CEP57L1: variants seen among roughly 807,000 people sequenced by gnomAD.
CEP57L1 encodes the protein centrosomal protein 57 like 1.
Under a neutral mutation model 61.0 loss-of-function variants are expected in CEP57L1, and 37 were observed. That is an observed-to-expected ratio of 0.61 (90% CI 0.47 to 0.80). The LOEUF is 0.80. CEP57L1 is among the 30% of genes least tolerant of loss of function. CEP57L1 has a pLI of 0.00. For synonymous variants in CEP57L1, 137 were observed against 162.3 expected (o/e 0.84, Z 1.19); for missense variants, 422 against 524.7 (o/e 0.80, Z 1.91).
intron 3 of CEP57L1, among the ~76,000 whole-genome samples, chr6:109,147,871 C>T (rs954881790): frequency 6.6e-6 from 1 of 152,154 alleles, no homozygotes; most frequent in Non-Finnish European, 1.5e-5. Context: ...CTGACATCCT[C>T]CTCTTTCAGA....
intron 6 of CEP57L1, 133 bp from the exon 7 acceptor site, chr6:109,155,658 C>T (rs990338115): frequency 4.3e-5 from 26 of 601,338 alleles, no homozygotes; most frequent in East Asian, 6.2e-5. Flanking sequence ...TGTACAAAAA[C>T]GGTATCTTGG....
chr6:109,113,500 C>T (rs867241145), intron 1 of CEP57L1, among the ~76,000 whole-genome samples: 4 of 152,112 alleles, frequency 2.6e-5, no homozygotes, highest in African/African-American at 9.7e-5. Context: ...CATATCTTTA[C>T]TCATCATGAC....
intron 4 of CEP57L1, 31 bp downstream of exon 4, chr6:109,150,270 A>G: frequency 6.3e-7 from 1 of 1,576,872 alleles, no homozygotes; most frequent in Non-Finnish European, 8.7e-7. Context: ...GAATGATAAT[A>G]TAATTTTGTA....
At chr6:109,148,279 C>T (rs1017687171) in intron 3 of CEP57L1, among the ~76,000 whole-genome samples, 4 of 152,022 alleles carry the variant, frequency 2.6e-5, no homozygotes, top group Admixed American at 2.6e-4. Context: ...TCCCCCCACC[C>T]CACAACAGTC....
chr6:109,133,376 A>G (rs527465346), intron 1 of CEP57L1, among the ~76,000 whole-genome samples: 7 of 152,296 alleles, frequency 4.6e-5, no homozygotes, highest in South Asian at 2.1e-4. Context: ...TTGCGCTCCT[A>G]TGAAAATCTA....
intron 9 of CEP57L1, 73 bp downstream of exon 9, chr6:109,159,535 C>T: frequency 7.1e-7 from 1 of 1,417,710 alleles, no homozygotes; most frequent in Non-Finnish European, 9.7e-7. Context: ...TCTTGAACTC[C>T]TGGTTTCAGG....
At chr6:109,160,198 T>A (rs1249994108) in intron 9 of CEP57L1, among the ~76,000 whole-genome samples, 3 of 152,190 alleles carry the variant, frequency 2.0e-5, no homozygotes, top group African/African-American at 7.2e-5. Flanking sequence ...AATCCAGAAA[T>A]TTTTCAGGCA....
At chr6:109,106,312 T>C (rs1475240953) in intron 1 of CEP57L1, among the ~76,000 whole-genome samples, 1 of 152,172 alleles carries the variant, frequency 6.6e-6, no homozygotes, top group Non-Finnish European at 1.5e-5. Flanking sequence ...GAAAATCATA[T>C]TTCCTACAGA....
rs1305419417 is a variant in CEP57L1, at chr6:109,173,922, C to T, written c.*10952C>T. Among the ~76,000 whole-genome samples, 3 of 147,490 alleles carry T rather than the reference C, an allele frequency of 2.0e-5. No individual in the cohort carries two copies. Among genetic ancestry groups the T allele is most frequent in the African/African-American group, 7.7e-5 (3 of 38,892 alleles). On this transcript the variant is annotated 3_prime_UTR_variant, in exon 11 of 11. Transcript: ENST00000517392. ...GAGACCAGCCTCCAACATGGTGAAACCCCGTCTCTACTAAAAAAAAAAAAA... is the reference window on the plus strand; with the variant it reads ...GAGACCAGCCTCCAACATGGTGAAATCCCGTCTCTACTAAAAAAAAAAAAA...
Position 109,163,495 on chromosome 6 carries a change from G to A in CEP57L1, c.*525G>A, listed in dbSNP as rs1453990725. On this transcript the variant is annotated 3_prime_UTR_variant, in exon 11 of 11. Coordinates refer to ENST00000517392, the MANE Select transcript of CEP57L1 (RefSeq NM_001271852.3). The stretch of plus-strand genomic sequence containing the variant: ...TTTTGTGAAGAAGCCTTTAATCCAA[G>A]TTTTATGAGACAGTAGGAACCTATA... The A allele has an allele frequency of 1.3e-5, 2 of 152,318 alleles. No individual in the cohort carries two copies. Among genetic ancestry groups the A allele is most frequent in the Non-Finnish European group, 2.9e-5 (2 of 68,120 alleles). 9.4% of individuals were successfully genotyped at this position (152,318 alleles called of 1,614,324 possible).
intron 1 of CEP57L1, among the ~76,000 whole-genome samples, chr6:109,135,365 AG>A (rs1292006121): frequency 6.6e-6 from 1 of 152,220 alleles, no homozygotes; most frequent in African/African-American, 2.4e-5. Context: ...AGCCATATGT[AG>A]AAAGCTGAAA....
chr6:109,144,911 A>G lies in CEP57L1; in HGVS notation c.-3-308A>G, dbSNP rs143872779. The stretch of plus-strand genomic sequence containing the variant: ...CTGCTTATAGAGAAGTGCTCAGACT[A>G]TGATAGGTATATGGGATTTATGGGT... On this transcript the variant is annotated intron_variant, in intron 1 of 10. Coordinates refer to ENST00000517392, the MANE Select transcript of CEP57L1 (RefSeq NM_001271852.3). Among the ~76,000 whole-genome samples the G allele has an allele frequency of 3.5e-3, 530 of 152,162 alleles. 2 individuals carry two copies. The highest frequency in any genetic ancestry group is 0.012 in the African/African-American group (493 of 41,566).
In CEP57L1 at chr6:109,146,811, G is replaced by C; in HGVS notation, c.214G>C (p.Glu72Gln). The C allele has an allele frequency of 6.2e-7, 1 of 1,609,104 alleles. No homozygotes were observed. Among genetic ancestry groups the C allele is most frequent in the Non-Finnish European group, 8.5e-7 (1 of 1,177,756 alleles). Residue 72 changes from glutamate to glutamine, a missense_variant, in exon 3 of 11, where the codon GAG (glutamate) becomes CAG (glutamine). Physicochemically the swap from Glu to Gln is conservative, Grantham distance 29. Transcript: ENST00000517392. ...LQEKIHRLEL[E>Q]RTQAEDNLNI... ...GGAAAAAATTCATCGTTTAGAGCTG[G>C]AGAGAACACAAGCTGAAGATAACCT... is the stretch of plus-strand genomic sequence containing the variant.
chr6:109,134,395 T>C (rs1774570223), intron 1 of CEP57L1, among the ~76,000 whole-genome samples: 1 of 152,146 alleles, frequency 6.6e-6, no homozygotes, highest in Non-Finnish European at 1.5e-5. Context: ...ATAAATTAGG[T>C]ATTGATGGGA....
chr6:109,161,682 A>T (rs1773731082), intron 10 of CEP57L1, among the ~76,000 whole-genome samples: 1 of 152,160 alleles, frequency 6.6e-6, no homozygotes, highest in South Asian at 2.1e-4. Flanking sequence ...TGGAGTGAAG[A>T]TTATACAACT....
At chr6:109,140,124 A>T (rs2114826478) in intron 1 of CEP57L1, among the ~76,000 whole-genome samples, 1 of 151,948 alleles carries the variant, frequency 6.6e-6, no homozygotes, top group African/African-American at 2.4e-5. Flanking sequence ...ATGGAGTCTC[A>T]CTCTGTCACC....
At chr6:109,142,785 C>T (rs1050303124) in intron 1 of CEP57L1, among the ~76,000 whole-genome samples, 1 of 151,996 alleles carries the variant, frequency 6.6e-6, no homozygotes, top group Non-Finnish European at 1.5e-5. Flanking sequence ...TCAGAAATAC[C>T]GGAATCCTAG....
chr6:109,156,970 T>A, intron 7 of CEP57L1: 1 of 152,114 alleles, frequency 6.6e-6, no homozygotes. Flanking sequence ...AAAATCACTA[T>A]AAGTAATTTG....
chr6:109,141,442 T>A (rs533523955), intron 1 of CEP57L1, among the ~76,000 whole-genome samples: 1 of 152,220 alleles, frequency 6.6e-6, no homozygotes, highest in South Asian at 2.1e-4. Context: ...CTCGAACTCC[T>A]GACCTCATGA....
Sources: gnomAD v4.1 joint callset for allele counts (sites outside exome capture counted in the v4.1 genomes callset) on GRCh38, gnomAD v4.1.1 for gene constraint, MANE v1.5 for transcripts, NCBI Gene and HGNC (gene_info 2026-07-23, HGNC 2026-07-21) for gene names.